GPC5: variants seen among roughly 807,000 people sequenced by gnomAD.
GPC5 encodes glypican 5, also known as glypican-5.
GPC5 carries 47 observed loss-of-function variants against 53.9 expected under a neutral mutation model. That is an observed-to-expected ratio of 0.87 (90% CI 0.69 to 1.11). The LOEUF (loss-of-function observed/expected upper bound fraction) is 1.11, where lower values mean the gene tolerates loss of function less well. GPC5 is among the 50% of genes most tolerant of loss of function. The pLI is 0.00. For missense variants in GPC5, 748 were observed against 713.1 expected (o/e 1.05, Z -0.56); for synonymous variants, 286 against 263.3 (o/e 1.09, Z -0.84).
intron 7 of GPC5, among the ~76,000 whole-genome samples, chr13:92,682,496 T>C (rs1439012020): frequency 6.6e-6 from 1 of 152,190 alleles, no homozygotes; most frequent in African/African-American, 2.4e-5. Context: ...AGTGGAAATA[T>C]AGATTTAAGG....
chr13:91,624,950 A>T lies in GPC5; in HGVS notation c.326-68237A>T, dbSNP rs143812114. Among the ~76,000 whole-genome samples the T allele has an allele frequency of 9.7e-3, 1,477 of 151,700 alleles. 28 individuals carry two copies. The highest frequency in any genetic ancestry group is 0.034 in the African/African-American group (1,415 of 41,484). ...CCAAGAAAGGAATTTTTTCTTTTTT[A>T]AAAAAAATTAGAAGAAAATCAACAA... On this transcript the variant is annotated intron_variant, in intron 2 of 7. Coordinates refer to ENST00000377067, the MANE Select transcript of GPC5 (RefSeq NM_004466.6).
intron 7 of GPC5, among the ~76,000 whole-genome samples, chr13:92,740,417 C>T (rs1209603922): frequency 1.3e-5 from 2 of 152,008 alleles, no homozygotes; most frequent in African/African-American, 4.8e-5. Context: ...GTGAGTTGGG[C>T]TTGGCAGATA....
intron 2 of GPC5, among the ~76,000 whole-genome samples, chr13:91,564,495 A>G (rs186594451): frequency 7.2e-5 from 11 of 152,336 alleles, no homozygotes; most frequent in Admixed American, 1.3e-4. Context: ...GGATACAGAC[A>G]GATATGAATA....
At chr13:92,134,948 C>G (rs1046837123) in intron 6 of GPC5, among the ~76,000 whole-genome samples, 3 of 152,070 alleles carry the variant, frequency 2.0e-5, no homozygotes, top group Admixed American at 1.3e-4. Context: ...TCACATACTG[C>G]ATAATGTTTG....
intron 2 of GPC5, among the ~76,000 whole-genome samples, chr13:91,541,948 G>A (rs1286427648): frequency 3.3e-5 from 5 of 150,768 alleles, no homozygotes; most frequent in Admixed American, 3.3e-4. Flanking sequence ...TCTAGTTTAC[G>A]ATGAGATTTA....
chr13:92,539,640 G>GT (rs1226802422), intron 7 of GPC5, among the ~76,000 whole-genome samples: 2 of 152,022 alleles, frequency 1.3e-5, no homozygotes, highest in South Asian at 2.1e-4. Context: ...TCTGATGATA[G>GT]TTTTTTCTTT....
chr13:92,427,060 T>C (rs1423222328), intron 7 of GPC5, among the ~76,000 whole-genome samples: 1 of 151,826 alleles, frequency 6.6e-6, no homozygotes, highest in Non-Finnish European at 1.5e-5. Flanking sequence ...CTGTAAATAG[T>C]GTGAAAGTGA....
intron 7 of GPC5, among the ~76,000 whole-genome samples, chr13:92,396,240 C>T (rs1875263545): frequency 6.6e-6 from 1 of 152,100 alleles, no homozygotes; most frequent in Non-Finnish European, 1.5e-5. Flanking sequence ...ATTCTTTCCT[C>T]ATTTACATTC....
chr13:92,525,262 C>T (rs929010119), intron 7 of GPC5, among the ~76,000 whole-genome samples: 2 of 151,992 alleles, frequency 1.3e-5, no homozygotes, highest in African/African-American at 4.8e-5. Context: ...GGAATCTACA[C>T]AGTGGAGAGA....
At chr13:92,234,285 A>G (rs2139105391) in intron 7 of GPC5, among the ~76,000 whole-genome samples, 1 of 152,260 alleles carries the variant, frequency 6.6e-6, no homozygotes, top group South Asian at 2.1e-4. Context: ...ACAGTGTAAA[A>G]GTGTTCCTCT....
chr13:92,136,832 A>G (rs2041788129), intron 6 of GPC5, among the ~76,000 whole-genome samples: 1 of 152,234 alleles, frequency 6.6e-6, no homozygotes, highest in Admixed American at 6.5e-5. Context: ...AGTAAAAAGC[A>G]AACTGATTCT....
chr13:92,234,666 T>G (rs2042557500), intron 7 of GPC5, among the ~76,000 whole-genome samples: 2 of 152,094 alleles, frequency 1.3e-5, no homozygotes, highest in Non-Finnish European at 2.9e-5. Flanking sequence ...TAAGGGTTAC[T>G]TTATTAATTG....
At chr13:92,412,535 A>T (rs1217795905) in intron 7 of GPC5, among the ~76,000 whole-genome samples, 1 of 152,176 alleles carries the variant, frequency 6.6e-6, no homozygotes, top group African/African-American at 2.4e-5. Flanking sequence ...AAAACTTTGC[A>T]AGATTTTGTG....
rs1336961962 is a variant in GPC5, at chr13:92,187,492, C to T, written c.1561+42503C>T. Among the ~76,000 whole-genome samples, 4 of 152,034 alleles carry T rather than the reference C, an allele frequency of 2.6e-5. No homozygotes were observed. In the East Asian group the frequency reaches 5.8e-4, roughly 22 times the overall value. ...GAATGAAGTCAATGCTTAAAAATAC[C>T]CTTTTAGTTACCCTGTATTTCCATA... On this transcript the variant is annotated intron_variant, in intron 7 of 7. Transcript: ENST00000377067.
intron 5 of GPC5, among the ~76,000 whole-genome samples, chr13:91,777,698 G>C (rs2037733371): frequency 6.6e-6 from 1 of 150,816 alleles, no homozygotes; most frequent in Non-Finnish European, 1.5e-5. Flanking sequence ...AGTAAGTTCA[G>C]ACCTTAGATA....
intron 6 of GPC5, among the ~76,000 whole-genome samples, chr13:92,086,944 C>T (rs545571076): frequency 6.6e-6 from 1 of 152,182 alleles, no homozygotes; most frequent in Admixed American, 6.5e-5. Flanking sequence ...CAAGTGTGAG[C>T]CACCACACCC....
intron 7 of GPC5, among the ~76,000 whole-genome samples, chr13:92,856,833 G>T (rs1879017322): frequency 6.6e-6 from 1 of 151,902 alleles, no homozygotes; most frequent in Non-Finnish European, 1.5e-5. Context: ...AATTGCAGAT[G>T]ACACAAAGGG....
At chr13:92,827,448 C>T (rs987559829) in intron 7 of GPC5, among the ~76,000 whole-genome samples, 1 of 152,082 alleles carries the variant, frequency 6.6e-6, no homozygotes, top group Non-Finnish European at 1.5e-5. Flanking sequence ...AATCTTACAA[C>T]CTTCCAACCT....
intron 2 of GPC5, among the ~76,000 whole-genome samples, chr13:91,655,717 TAAAC>T (rs1008709142): frequency 3.3e-5 from 5 of 151,990 alleles, no homozygotes; most frequent in African/African-American, 1.2e-4. Flanking sequence ...AAAACAATAA[TAAAC>T]AAACAGTGCC....
Sources: allele counts gnomAD v4.1 joint callset (sites outside exome capture counted in the v4.1 genomes callset), GRCh38; gene constraint gnomAD v4.1.1; transcripts MANE v1.5; gene names NCBI Gene and HGNC (gene_info 2026-07-23, HGNC 2026-07-21).